The following PSD3 variants were observed in gnomAD, a reference collection of about 807,000 sequenced individuals.
The protein encoded by PSD3 is pleckstrin and Sec7 domain containing 3.
In PSD3, 49 loss-of-function variants were observed where a neutral mutation model predicts 105.5. The ratio of observed to expected loss-of-function variants is 0.46; its 90% CI spans 0.37 to 0.59. The LOEUF is 0.59. Among genes scored for constraint, PSD3 ranks in the 20% least tolerant of loss-of-function variants. The pLI, the probability that PSD3 is intolerant of heterozygous loss-of-function variation, is 0.00. For missense variants in PSD3, 1,561 were observed against 1,263.8 expected, an observed-to-expected ratio of 1.24 and a Z score of -3.57; for synonymous variants, 557 against 457.8, an observed-to-expected ratio of 1.22 and a Z score of -2.77.
At chr8:18,555,006 A>T (rs942351697) in intron 15 of PSD3, among the ~76,000 whole-genome samples, 15 of 152,026 alleles carry the variant, frequency 9.9e-5, no homozygotes, top group Non-Finnish European at 2.2e-4. Context: ...CGTTGTGGAA[A>T]CGTGGAGACG....
intron 9 of PSD3, among the ~76,000 whole-genome samples, chr8:18,745,881 G>C (rs1041965731): frequency 5.3e-5 from 8 of 152,120 alleles, no homozygotes; most frequent in African/African-American, 1.9e-4. Context: ...TTCTCCCATA[G>C]AGAGAAAACT....
chr8:18,758,465 G>C (rs545024909), intron 9 of PSD3, among the ~76,000 whole-genome samples: 99 of 144,038 alleles, frequency 6.9e-4, no homozygotes, highest in African/African-American at 2.4e-3. Context: ...CTGTCACTCC[G>C]TGTGAACAGA....
intron 8 of PSD3, among the ~76,000 whole-genome samples, chr8:18,776,273 A>G (rs915106497): frequency 2.8e-5 from 4 of 142,138 alleles, no homozygotes; most frequent in Non-Finnish European, 4.5e-5. Context: ...TATATATATA[A>G]TGTATAAATA....
chr8:18,886,773 T>C (rs1371513277), intron 2 of PSD3, among the ~76,000 whole-genome samples: 1 of 152,176 alleles, frequency 6.6e-6, no homozygotes, highest in African/African-American at 2.4e-5. Context: ...CAGCCCCTTT[T>C]GCCCTGCACT....
exon 1 of PSD3, chr8:19,084,700 A>C: frequency 3.1e-6 from 1 of 326,348 alleles, no homozygotes; most frequent in South Asian, 2.5e-5. Context: ...GGAGCAGAGC[A>C]AGTGAAAGCA....
chr8:18,652,493 GTTTT>G (rs67555804), intron 10 of PSD3, among the ~76,000 whole-genome samples: 126 of 92,596 alleles, frequency 1.4e-3, no homozygotes, highest in Middle Eastern at 0.01. Context: ...AAAAAGCTTA[GTTTT>G]TTTTTTTTTT....
chr8:18,577,166 A>C (rs1486316402), intron 12 of PSD3, among the ~76,000 whole-genome samples: 2 of 151,928 alleles, frequency 1.3e-5, no homozygotes, highest in African/African-American at 4.8e-5. Context: ...TCTCTTCTTT[A>C]ATCTTAGTAA....
At chr8:18,823,952 G>A (rs572256576) in intron 4 of PSD3, among the ~76,000 whole-genome samples, 13 of 152,250 alleles carry the variant, frequency 8.5e-5, no homozygotes, top group South Asian at 4.1e-4. Flanking sequence ...GGCTGAGGCG[G>A]GAGGATTGCT....
intron 4 of PSD3, among the ~76,000 whole-genome samples, chr8:18,828,396 T>C (rs1028746494): frequency 6.6e-6 from 1 of 152,182 alleles, no homozygotes; most frequent in Non-Finnish European, 1.5e-5. Context: ...AGTTCATTTA[T>C]ACGTTACAGC....
intron 14 of PSD3, among the ~76,000 whole-genome samples, chr8:18,571,664 T>C (rs1400115518): frequency 6.6e-6 from 1 of 152,180 alleles, no homozygotes; most frequent in Non-Finnish European, 1.5e-5. Context: ...AATACATATT[T>C]ATTAAATTAA....
intron 4 of PSD3, among the ~76,000 whole-genome samples, chr8:18,817,142 A>T (rs1812283317): frequency 6.6e-6 from 1 of 152,220 alleles, no homozygotes; most frequent in South Asian, 2.1e-4. Flanking sequence ...GCCTGAATTC[A>T]CTTACAATTT....
rs1379658163 is a variant in PSD3 at position 18,607,695 on chromosome 8, ACAAAAC to A, written c.2411-7267_2411-7262del. Among the ~76,000 whole-genome samples, 226 of 89,840 alleles carry A rather than the reference ACAAAAC, an allele frequency of 2.5e-3. 52 individuals carry two copies. The highest frequency in any genetic ancestry group is 2.8e-3 in the African/African-American group (53 of 19,236). 58.9% of individuals were successfully genotyped at this position (89,840 alleles called of 152,430 possible). A position where few individuals can be genotyped will look rare whatever the true frequency, so the allele number is the denominator to read the frequency against. On this transcript the variant is annotated intron_variant, in intron 11 of 15. Transcript: ENST00000327040. ...GACTCCACTGCTACAAAAAAAAAAA[ACAAAAC>A]AAAAAAAAAAAGGAAGTCAGGTGTA...
At chr8:18,920,175 C>T (rs1039289448) in intron 2 of PSD3, among the ~76,000 whole-genome samples, 10 of 152,164 alleles carry the variant, frequency 6.6e-5, no homozygotes, top group Non-Finnish European at 1.2e-4. Flanking sequence ...TAGGAACCAT[C>T]GCTTTAAAAC....
intron 2 of PSD3, among the ~76,000 whole-genome samples, chr8:18,915,609 C>A (rs1264560692): frequency 6.6e-6 from 1 of 152,142 alleles, no homozygotes; most frequent in South Asian, 2.1e-4. Flanking sequence ...AAATGGCCAA[C>A]AGATATATTT....
chr8:18,688,952 T>C (rs1800814206), intron 9 of PSD3, among the ~76,000 whole-genome samples: 1 of 152,142 alleles, frequency 6.6e-6, no homozygotes, highest in Non-Finnish European at 1.5e-5. Context: ...CCATAACAAA[T>C]CAAAATAGCA....
chr8:18,996,282 A>G (rs1452172422), intron 1 of PSD3, among the ~76,000 whole-genome samples: 2 of 151,902 alleles, frequency 1.3e-5, no homozygotes, highest in Non-Finnish European at 2.9e-5. Context: ...CTCAGATGAG[A>G]GCTAAAGAAG....
At chr8:18,881,682 C>T (rs1818113853) in intron 2 of PSD3, among the ~76,000 whole-genome samples, 1 of 152,126 alleles carries the variant, frequency 6.6e-6, no homozygotes, top group Non-Finnish European at 1.5e-5. Flanking sequence ...GGATTCTACA[C>T]ACATATATTT....
intron 11 of PSD3, among the ~76,000 whole-genome samples, chr8:18,618,335 T>C (rs946127110): frequency 7.3e-5 from 11 of 151,392 alleles, no homozygotes; most frequent in Admixed American, 3.3e-4. Flanking sequence ...AGACAGGTTA[T>C]AACCCAACCA....
chr8:18,613,466 G>A (rs146699171), intron 11 of PSD3, among the ~76,000 whole-genome samples: 58 of 152,156 alleles, frequency 3.8e-4, no homozygotes, highest in African/African-American at 1.4e-3. Context: ...TTTCATTTCT[G>A]CCTAATAAAT....
Sources: gnomAD v4.1 joint callset for allele counts (sites outside exome capture counted in the v4.1 genomes callset) on GRCh38, gnomAD v4.1.1 for gene constraint, MANE v1.5 for transcripts, NCBI Gene and HGNC (gene_info 2026-07-23, HGNC 2026-07-21) for gene names.